PIGR: variants seen among roughly 807,000 people sequenced by gnomAD.
PIGR encodes polymeric immunoglobulin receptor, also known as hepatocellular carcinoma associated protein TB6.
Under a neutral mutation model 69.5 loss-of-function variants are expected in PIGR, and 22 were observed. The observed-to-expected ratio is 0.32, with a 90% CI of 0.23 to 0.45. The LOEUF is 0.45. Among genes scored for constraint, PIGR ranks in the 20% least tolerant of loss-of-function variants. The probability of loss-of-function intolerance (pLI) is 1.00; values close to 1 mark genes in which losing one functional copy is unlikely to be tolerated. For synonymous variants in PIGR, 413 were observed against 407.6 expected, an observed-to-expected ratio of 1.01 and a Z score of -0.16; for missense variants, 885 against 974.0, an observed-to-expected ratio of 0.91 and a Z score of 1.22.
Position 206,937,623 on chromosome 1 carries a change from G to A in PIGR, c.517C>T (p.Pro173Ser). Residue 173 changes from proline to serine, a missense_variant, in exon 4 of 11, where the codon CCT becomes TCT. Coordinates refer to ENST00000356495, the MANE Select transcript of PIGR (RefSeq NM_002644.4). ...KSLYKQIGLY[P>S]VLVIDSSGYV... ...CCACTGGAGTCGATGACCAGCACAG[G>A]GTACAGGCCTATCTGCTTGTACAAG... The A allele has an allele frequency of 6.2e-7, 1 of 1,613,712 alleles. No individual in the cohort carries two copies. Among genetic ancestry groups the A allele is most frequent in the Non-Finnish European group, 8.5e-7 (1 of 1,179,804 alleles).
intron 1 of PIGR, among the ~76,000 whole-genome samples, chr1:206,944,654 T>C (rs757550418): frequency 6.6e-6 from 1 of 152,144 alleles, no homozygotes; most frequent in Non-Finnish European, 1.5e-5. Flanking sequence ...CACTCCACCA[T>C]ACTGTGTCGA....
At chr1:206,931,198 G>A (rs1050316424) in intron 10 of PIGR, 6 of 985,332 alleles carry the variant, frequency 6.1e-6, no homozygotes, top group East Asian at 1.1e-4. Context: ...ATTTGGCATT[G>A]TAGCTTCCCA....
Position 206,937,428 on chromosome 1 carries a change from G to A in PIGR, c.712C>T (p.Leu238=). 1 of 1,614,148 alleles carries A rather than the reference G, an allele frequency of 6.2e-7. No homozygotes were observed. Among genetic ancestry groups the A allele is most frequent in the Non-Finnish European group, 8.5e-7 (1 of 1,180,002 alleles). ...TAAACCAGCTCGGGCTCGGGCTTTA[G>A]CACTTGGAGGTCAGCATTCTTCTTA... ...SNKKNADLQV[L]KPEPELVYED... The change falls in exon 4 of 11, where the codon CTA becomes TTA. Residue 238 remains leucine (L), a synonymous_variant. Transcript: ENST00000356495.
chr1:206,934,426 C>T lies in PIGR; in HGVS notation c.1699G>A (p.Ala567Thr). Residue 567 changes from alanine (A) to threonine (T), a missense_variant, in exon 6 of 11, where the codon GCA becomes ACA. Ala to Thr is a moderately conservative substitution (Grantham distance 58). Transcript: ENST00000356495. ...AVYVAVEERK[A>T]AGSRDVSLAK... is the part of the protein sequence containing the mutation. The stretch of plus-strand genomic sequence containing the variant: ...CCTGTCCTTGGAGACTCACCCGCTG[C>T]CTTCCTCTCTTCAACTGCCACATAG... 6.2e-7 allele frequency: 1 copy of T among 1,612,814 alleles called. No individual in the cohort carries two copies. Among genetic ancestry groups the T allele is most frequent in the East Asian group, 2.2e-5 (1 of 44,854 alleles).
intron 1 of PIGR, among the ~76,000 whole-genome samples, chr1:206,943,949 T>A (rs1680049132): frequency 6.6e-6 from 1 of 152,170 alleles, no homozygotes; most frequent in Non-Finnish European, 1.5e-5. Flanking sequence ...AGTGAGATAA[T>A]TGAGGCACAG....
chr1:206,938,636 T>C (rs771186862), intron 3 of PIGR, among the ~76,000 whole-genome samples: 8 of 152,114 alleles, frequency 5.3e-5, no homozygotes, highest in Non-Finnish European at 1.0e-4. Context: ...TCTAATAATC[T>C]AATTTACCCT....
rs1316910826 is a variant in PIGR at position 206,933,007 on chromosome 1, C to G, written c.1865G>C (p.Arg622Thr). ...TTACCTGCCGGAATCCACAGATGCT[C>G]TGCTCCCATCGGCTTGATCTCTTGT... Reference protein sequence around the residue: ...ADTRDQADGSRASVDSGSSEE... With the variant: ...ADTRDQADGSTASVDSGSSEE... Residue 622 changes from arginine to threonine, a missense_variant, in exon 7 of 11, where the codon AGA becomes ACA. Transcript: ENST00000356495. The G allele has an allele frequency of 1.2e-6, 2 of 1,614,072 alleles. No individual in the cohort carries two copies. The highest frequency in any genetic ancestry group is 4.5e-5 in the East Asian group (2 of 44,904).
chr1:206,943,963 G>T (rs1363261755), intron 1 of PIGR, among the ~76,000 whole-genome samples: 3 of 152,186 alleles, frequency 2.0e-5, no homozygotes, highest in African/African-American at 7.2e-5. Flanking sequence ...GGCACAGAGA[G>T]GTGAGACATT....
In PIGR at chr1:206,929,558, A is replaced by AG. The variant is rs1287931312; in HGVS notation, c.*759dup. ...AGAGACTCCGTCTCAAAAAAAAAAA[A>AG]GAAAAAGAAAAACGCTTCACTCTTC... On this transcript the variant is annotated 3_prime_UTR_variant, in exon 11 of 11. Transcript: ENST00000356495. 6.6e-6 allele frequency: 1 copy of AG among 151,624 alleles called. No individual in the cohort carries two copies. Among genetic ancestry groups the AG allele is most frequent in the Middle Eastern group, 3.4e-3 (1 of 294 alleles). The allele number at this position is 151,624 out of a possible 1,614,324, so 9.4% of individuals were successfully genotyped here. A position where few individuals can be genotyped will look rare whatever the true frequency, so the allele number is the denominator to read the frequency against.
Position 206,933,037 on chromosome 1 carries a change from G to A in PIGR, c.1835C>T (p.Ala612Val), listed in dbSNP as rs760969021. The change falls in exon 7 of 11, where the codon GCA (alanine) becomes GTA (valine). Residue 612 changes from alanine (A) to valine (V), a missense_variant. Transcript: ENST00000356495. ...PRLFAEEKAVADTRDQADGSR... is the reference protein window; with the variant it reads ...PRLFAEEKAVVDTRDQADGSR... ...CCCATCGGCTTGATCTCTTGTATCT[G>A]CCACCGCCTTTTCCTCTGCAAAAAG... The A allele has an allele frequency of 3.0e-5, 48 of 1,614,042 alleles. No homozygotes were observed. The highest frequency in any genetic ancestry group is 3.3e-5 in the Non-Finnish European group (39 of 1,180,046).
chr1:206,932,338 G>C, intron 8 of PIGR, 118 bp downstream of exon 8: 1 of 1,217,282 alleles, frequency 8.2e-7, no homozygotes, highest in Non-Finnish European at 1.1e-6. Flanking sequence ...GCTTTCTCGG[G>C]ATCCTTTGTT....
chr1:206,944,103 G>A (rs1157952592), intron 1 of PIGR, among the ~76,000 whole-genome samples: 1 of 152,210 alleles, frequency 6.6e-6, no homozygotes, highest in Non-Finnish European at 1.5e-5. Flanking sequence ...GGAAGAAGCA[G>A]GATATTCAAT....
At chr1:206,942,887 C>T (rs1041390069) in intron 1 of PIGR, among the ~76,000 whole-genome samples, 4 of 152,186 alleles carry the variant, frequency 2.6e-5, no homozygotes, top group African/African-American at 9.6e-5. Flanking sequence ...CAGTCCAGTC[C>T]TAGATGGGAT....
At chr1:206,934,020 C>A (rs1466051193) in intron 6 of PIGR, among the ~76,000 whole-genome samples, 1 of 152,062 alleles carries the variant, frequency 6.6e-6, no homozygotes, top group Non-Finnish European at 1.5e-5. Flanking sequence ...CACCACCATG[C>A]CCAGCTAATT....
intron 1 of PIGR, among the ~76,000 whole-genome samples, chr1:206,942,967 G>A (rs148742998): frequency 2.7e-4 from 41 of 152,316 alleles, no homozygotes; most frequent in African/African-American, 8.9e-4. Context: ...AAAACTTGAA[G>A]CACAATTTCT....
chr1:206,936,361 T>C (rs1196707227), intron 4 of PIGR, among the ~76,000 whole-genome samples: 1 of 152,050 alleles, frequency 6.6e-6, no homozygotes, highest in South Asian at 2.1e-4. Context: ...GAGAAGCAGG[T>C]GACCAAAGAT....
chr1:206,943,297 A>G (rs1224308126), intron 1 of PIGR, among the ~76,000 whole-genome samples: 1 of 152,198 alleles, frequency 6.6e-6, no homozygotes, highest in Non-Finnish European at 1.5e-5. Flanking sequence ...TCTCGACCCC[A>G]AGACCCACAG....
In PIGR at chr1:206,940,063, CAT is replaced by C. The variant is rs565863752; in HGVS notation, c.43+424_43+425del. 2.1e-4 allele frequency among the ~76,000 whole-genome samples: 32 copies of C among 152,344 alleles called. No individual in the cohort carries two copies. The East Asian group carries it at 5.4e-3, about 26-fold the overall frequency. ...ATAACACCACTTTCGTAAGGTGTTA[CAT>C]GTTTGCACTTGCCATGTGTTATTTC... On this transcript the variant is annotated intron_variant, in intron 2 of 10. Transcript: ENST00000356495.
chr1:206,936,384 G>T (rs1276677923), intron 4 of PIGR, among the ~76,000 whole-genome samples: 1 of 152,156 alleles, frequency 6.6e-6, no homozygotes, highest in Non-Finnish European at 1.5e-5. Flanking sequence ...AGGGGATTCT[G>T]GTGAAAACCC....
Sources: allele counts gnomAD v4.1 joint callset (sites outside exome capture counted in the v4.1 genomes callset), GRCh38; gene constraint gnomAD v4.1.1; transcripts MANE v1.5; gene names NCBI Gene and HGNC (gene_info 2026-07-23, HGNC 2026-07-21).